Variants in ZNF589 observed in about 807,000 individuals in gnomAD.
The protein encoded by ZNF589 is KRAB-zinc finger protein SZF1-1.
A neutral mutation model predicts 13.6 loss-of-function variants in ZNF589; 17 were observed. The observed-to-expected ratio is 1.25, with a 90% CI of 0.86 to 1.88. ZNF589 has a LOEUF of 1.88. ZNF589 is among the 40% of genes most tolerant of loss of function. The pLI, the probability that ZNF589 is intolerant of heterozygous loss-of-function variation, is 0.00. For synonymous variants in ZNF589, 148 were observed against 161.6 expected (o/e 0.92, Z 0.64); for missense variants, 407 against 434.0 (o/e 0.94, Z 0.55).
At chr3:48,248,462 C>A (rs768009222) in intron 2 of ZNF589, among the ~76,000 whole-genome samples, 1 of 152,182 alleles carries the variant, frequency 6.6e-6, no homozygotes, top group Non-Finnish European at 1.5e-5. Flanking sequence ...AACACACTTT[C>A]CAACTCTACG....
chr3:48,260,990 A>AT, intron 3 of ZNF589, 51 bp downstream of exon 3: 1 of 1,594,794 alleles, frequency 6.3e-7, no homozygotes, highest in Non-Finnish European at 8.6e-7. Context: ...TTTACTGACC[A>AT]TATTCAGTGT....
At chr3:48,260,724 T>C (rs2106844335) in intron 2 of ZNF589, 89 bp from the exon 3 acceptor site, 11 of 1,582,870 alleles carry the variant, frequency 6.9e-6, no homozygotes, top group South Asian at 1.1e-5. Context: ...CAATTTCTTA[T>C]GTAGCTAGAT....
chr3:48,245,497 C>T (rs1003862254), intron 1 of ZNF589, among the ~76,000 whole-genome samples: 2 of 152,184 alleles, frequency 1.3e-5, no homozygotes, highest in Non-Finnish European at 2.9e-5. Context: ...CTAAGACCCT[C>T]GTCCCCCTGA....
intron 2 of ZNF589, among the ~76,000 whole-genome samples, chr3:48,248,714 A>G (rs576826648): frequency 6.6e-6 from 1 of 152,336 alleles, no homozygotes; most frequent in South Asian, 2.1e-4. Context: ...GGAAATAATG[A>G]CACTGGTAAT....
intron 3 of ZNF589, among the ~76,000 whole-genome samples, chr3:48,266,577 G>A (rs2034021464): frequency 6.6e-6 from 1 of 152,196 alleles, no homozygotes; most frequent in Non-Finnish European, 1.5e-5. Flanking sequence ...TGTAATCCCA[G>A]CACTTTGGGA....
intron 3 of ZNF589, among the ~76,000 whole-genome samples, chr3:48,263,690 C>T (rs767589024): frequency 2.6e-5 from 4 of 152,082 alleles, no homozygotes; most frequent in African/African-American, 2.4e-5. Flanking sequence ...ACCCCGGAGG[C>T]GGAGGTTGCA....
At chr3:48,246,562 A>G (rs1437243527) in intron 1 of ZNF589, among the ~76,000 whole-genome samples, 1 of 152,210 alleles carries the variant, frequency 6.6e-6, no homozygotes, top group Non-Finnish European at 1.5e-5. Context: ...CTCCCACCTC[A>G]GCCTCCCAAA....
intron 2 of ZNF589, among the ~76,000 whole-genome samples, chr3:48,251,062 C>T (rs530649655): frequency 7.2e-5 from 11 of 152,204 alleles, no homozygotes; most frequent in African/African-American, 2.6e-4. Flanking sequence ...AGATCAATTT[C>T]TTATGTAGCT....
chr3:48,263,712 T>C lies in ZNF589; in HGVS notation c.223+2773T>C, dbSNP rs144624867. Reference sequence around the variant, plus strand: ...AGGCGGAGGTTGCAGTGAGCTGAAATTGCGCCACTGCACTCCAACCTGGGC... The same window carrying C: ...AGGCGGAGGTTGCAGTGAGCTGAAACTGCGCCACTGCACTCCAACCTGGGC... On this transcript the variant is annotated intron_variant, in intron 3 of 3. Coordinates refer to ENST00000354698, the MANE Select transcript of ZNF589 (RefSeq NM_016089.3). Among the ~76,000 whole-genome samples, 847 of 152,176 alleles carry C rather than the reference T, an allele frequency of 5.6e-3. 10 individuals carry two copies. Among genetic ancestry groups the C allele is most frequent in the African/African-American group, 0.018 (739 of 41,518 alleles).
chr3:48,260,539 G>C (rs917775838), intron 2 of ZNF589, among the ~76,000 whole-genome samples: 1 of 152,184 alleles, frequency 6.6e-6, no homozygotes, highest in East Asian at 1.9e-4. Flanking sequence ...CTCCCAAGTA[G>C]CTGGGACTAC....
intron 1 of ZNF589, among the ~76,000 whole-genome samples, chr3:48,242,032 G>C (rs905744593): frequency 6.6e-6 from 1 of 151,948 alleles, no homozygotes; most frequent in South Asian, 2.1e-4. Context: ...GGCTGGTCTC[G>C]AACTCCTGGC....
At chr3:48,243,318 C>CT (rs1263228177) in intron 1 of ZNF589, among the ~76,000 whole-genome samples, 4 of 151,548 alleles carry the variant, frequency 2.6e-5, no homozygotes, top group African/African-American at 9.7e-5. Flanking sequence ...AAAGACTATT[C>CT]TTAGCCTTTG....
At position 48,268,647 on chromosome 3, in the gene ZNF589, T is replaced by G; in HGVS notation, c.956T>G (p.Leu319Arg). 1 of 1,613,824 alleles carries G rather than the reference T, an allele frequency of 6.2e-7. No homozygotes were observed. Among genetic ancestry groups the G allele is most frequent in the Non-Finnish European group, 8.5e-7 (1 of 1,179,978 alleles). ...CGRGFSCKPY[L>R]IRHQRTHTRE... The stretch of plus-strand genomic sequence containing the variant: ...CGAGGCTTTAGCTGCAAGCCATACC[T>G]CATCAGACATCAGAGGACACACACA... The change falls in exon 4 of 4, where the codon CTC becomes CGC. Residue 319 changes from leucine to arginine, a missense_variant. Leu to Arg is a moderately radical substitution (Grantham distance 102). Coordinates refer to ENST00000354698, the MANE Select transcript of ZNF589 (RefSeq NM_016089.3).
At chr3:48,252,997 C>A (rs2033856310) in intron 2 of ZNF589, among the ~76,000 whole-genome samples, 1 of 152,148 alleles carries the variant, frequency 6.6e-6, no homozygotes, top group East Asian at 1.9e-4. Flanking sequence ...ATTTTTTCCT[C>A]ATTTATGTAG....
At chr3:48,254,902 T>C (rs1354749136) in intron 2 of ZNF589, among the ~76,000 whole-genome samples, 5 of 152,144 alleles carry the variant, frequency 3.3e-5, no homozygotes, top group African/African-American at 1.2e-4. Flanking sequence ...GAATTTCCTA[T>C]GTAGACAGTC....
At chr3:48,255,897 C>G (rs557620030) in intron 2 of ZNF589, among the ~76,000 whole-genome samples, 2 of 152,222 alleles carry the variant, frequency 1.3e-5, no homozygotes, top group East Asian at 3.9e-4. Context: ...CAAGCCACCA[C>G]GCCTGGCAGC....
At chr3:48,257,171 A>C (rs1245420475) in intron 2 of ZNF589, 11 of 378,322 alleles carry the variant, frequency 2.9e-5, no homozygotes, top group Non-Finnish European at 5.7e-5. Context: ...GATTCATAGG[A>C]TGGGTTAGGA....
chr3:48,243,516 A>G (rs1295772897), intron 1 of ZNF589, among the ~76,000 whole-genome samples: 2 of 152,058 alleles, frequency 1.3e-5, no homozygotes, highest in Non-Finnish European at 2.9e-5. Context: ...AAGCTAAAGA[A>G]AGTAAAGACA....
chr3:48,268,317 C>T lies in ZNF589; in HGVS notation c.626C>T (p.Thr209Ile). ...EVDRISKRAETPGFGAVTFGE... is the reference protein window; with the variant it reads ...EVDRISKRAEIPGFGAVTFGE... ...GACAGAATTTCCAAGAGGGCAGAAA[C>T]CCCAGGGTTTGGAGCAGTCACGTTT... The change falls in exon 4 of 4, where the codon ACC (threonine) becomes ATC (isoleucine). Residue 209 changes from threonine (T) to isoleucine (I), a missense_variant. Coordinates refer to ENST00000354698, the MANE Select transcript of ZNF589 (RefSeq NM_016089.3). 6.2e-7 allele frequency: 1 copy of T among 1,613,988 alleles called. No homozygotes were observed. Among genetic ancestry groups the T allele is most frequent in the Non-Finnish European group, 8.5e-7 (1 of 1,179,866 alleles).
Sources: gnomAD v4.1 joint callset for allele counts (sites outside exome capture counted in the v4.1 genomes callset) on GRCh38, gnomAD v4.1.1 for gene constraint, MANE v1.5 for transcripts, NCBI Gene and HGNC (gene_info 2026-07-23, HGNC 2026-07-21) for gene names.